CACNA1G: variants seen among roughly 807,000 people sequenced by gnomAD.
CACNA1G encodes voltage-dependent T-type calcium channel subunit alpha-1G.
In CACNA1G, 67 loss-of-function variants were observed where a neutral mutation model predicts 219.4. The observed-to-expected ratio is 0.31, with a 90% CI of 0.25 to 0.37. The LOEUF (loss-of-function observed/expected upper bound fraction) is 0.37. Ranked by LOEUF, CACNA1G falls within the 10% of genes least tolerant of loss-of-function variation. CACNA1G has a pLI of 1.00. For synonymous variants in CACNA1G, 1,296 were observed against 1,345.3 expected (o/e 0.96, Z 0.80); for missense variants, 2,380 against 3,231.4 (o/e 0.74, Z 6.39).
chr17:50,575,018 C>T (rs1458638076), intron 7 of CACNA1G, among the ~76,000 whole-genome samples: 2 of 152,132 alleles, frequency 1.3e-5, no homozygotes, highest in Admixed American at 6.5e-5. Flanking sequence ...AAGGGTCTCT[C>T]GCCCAAAGTC....
chr17:50,608,027 G>A lies in CACNA1G; in HGVS notation c.4705+8G>A. 1 of 1,598,052 alleles carries A rather than the reference G, an allele frequency of 6.3e-7. No homozygotes were observed. On this transcript the variant is annotated splice_region_variant and intron_variant, in intron 25 of 37. Transcript: ENST00000359106. ...TGGAGAAAAAGAGAAGGAGTAAGGA[G>A]AAGCAGATGGCTGGTCGGTAGTCTT...
Position 50,626,191 on chromosome 17 carries a change from A to G in CACNA1G, c.6574A>G (p.Thr2192Ala). The stretch of plus-strand genomic sequence containing the variant: ...CCACAGCAAGATCTCCAAGCACATG[A>G]CCCCGCCAGCCCCTTGCCCAGGCCC... The part of the protein sequence containing the change: ...RSHSKISKHM[T>A]PPAPCPGPEP... Residue 2192 changes from threonine to alanine, a missense_variant, in exon 38 of 38, where the codon ACC becomes GCC. This residue lies in a region of CACNA1G where 672 missense variants were observed against 670.5 expected (regional missense o/e 1.00). Coordinates refer to ENST00000359106, the MANE Select transcript of CACNA1G (RefSeq NM_018896.5). This position sits in a 1 kb window ranked among gnomAD's most constrained non-coding sequence, Gnocchi z 4.3. 6.2e-7 allele frequency: 1 copy of G among 1,613,430 alleles called. No homozygotes were observed. Among genetic ancestry groups the G allele is most frequent in the Non-Finnish European group, 8.5e-7 (1 of 1,179,772 alleles).
At chr17:50,594,584 C>G (rs747138701) in intron 13 of CACNA1G, among the ~76,000 whole-genome samples, 2 of 152,138 alleles carry the variant, frequency 1.3e-5, no homozygotes, top group Non-Finnish European at 2.9e-5. Context: ...GGGCAGTTTC[C>G]GCAACTTCTC....
In CACNA1G at chr17:50,617,569, G is replaced by A. The variant is rs1043276451; in HGVS notation, c.5153G>A (p.Arg1718Gln). The A allele has an allele frequency of 1.2e-6, 2 of 1,613,754 alleles. No individual in the cohort carries two copies. Among genetic ancestry groups the A allele is most frequent in the Admixed American group, 1.7e-5 (1 of 59,988 alleles). The change falls in exon 29 of 38, where the codon CGA becomes CAA. Residue 1718 changes from arginine (R) to glutamine (Q), a missense_variant and splice_region_variant. Arg to Gln is a conservative substitution (Grantham distance 43). Transcript: ENST00000359106. The surrounding 1 kb of genome is among the most constrained non-coding windows in gnomAD (Gnocchi z 5.8). ...ATCATGAGGGTGCTGCGCATTGCCC[G>A]AGGTTGGTGCCCAGCCCACGCACCT... Reference protein sequence around the residue: ...IRIMRVLRIARVLKLLKMAVG... With the variant: ...IRIMRVLRIAQVLKLLKMAVG...
intron 13 of CACNA1G, among the ~76,000 whole-genome samples, chr17:50,592,364 T>C (rs1019562040): frequency 6.6e-6 from 1 of 152,172 alleles, no homozygotes; most frequent in African/African-American, 2.4e-5. Context: ...GCTAGACCCC[T>C]TCCCCAGAGA....
intron 9 of CACNA1G, among the ~76,000 whole-genome samples, chr17:50,580,510 C>T (rs938553514): frequency 4.3e-4 from 65 of 152,316 alleles, no homozygotes; most frequent in African/African-American, 1.5e-3. Context: ...GAAGCTGAGT[C>T]ACACAGACCC....
In CACNA1G at chr17:50,608,122, G is replaced by A. The variant is rs190452292; in HGVS notation, c.4705+103G>A. 9.9e-3 allele frequency: 10,538 copies of A among 1,061,940 alleles called. 100 individuals are homozygous for A. The highest frequency in any genetic ancestry group is 0.011 in the Non-Finnish European group (8,275 of 730,378). 65.8% of individuals were successfully genotyped at this position (1,061,940 alleles called of 1,614,324 possible). On this transcript the variant is annotated intron_variant, in intron 25 of 37. Coordinates refer to ENST00000359106, the MANE Select transcript of CACNA1G (RefSeq NM_018896.5). Reference sequence around the variant, plus strand: ...AGGGGGCTGGGCGCTGGGGCCGGGGGCAGGGAGAAGAGGCTCCCACCCCCC... The same window carrying A: ...AGGGGGCTGGGCGCTGGGGCCGGGGACAGGGAGAAGAGGCTCCCACCCCCC...
intron 10 of CACNA1G, 66 bp downstream of exon 10, chr17:50,590,688 G>A: frequency 2.0e-6 from 3 of 1,500,384 alleles, no homozygotes; most frequent in Non-Finnish European, 2.7e-6. Context: ...TGGGGCCAGG[G>A]GCCATGCCAC....
At position 50,621,980 on chromosome 17, in the gene CACNA1G, C is replaced by G. The variant is rs1262909059; in HGVS notation, c.6060+186C>G. Among the ~76,000 whole-genome samples, 1 of 152,110 alleles carries G rather than the reference C, an allele frequency of 6.6e-6. No individual in the cohort carries two copies. Among genetic ancestry groups the G allele is most frequent in the Non-Finnish European group, 1.5e-5 (1 of 68,024 alleles). ...TTGCTGGCACAAGGTCTTCAGGTTCCCCACTGGGGACAAAGAGATTAGATA... is the reference window on the plus strand; with the variant it reads ...TTGCTGGCACAAGGTCTTCAGGTTCGCCACTGGGGACAAAGAGATTAGATA... On this transcript the variant is annotated intron_variant, in intron 35 of 37. Coordinates refer to ENST00000359106, the MANE Select transcript of CACNA1G (RefSeq NM_018896.5). This position sits in a 1 kb window ranked among gnomAD's most constrained non-coding sequence, Gnocchi z 4.6.
chr17:50,627,212 C>G lies in CACNA1G; in HGVS notation c.*461C>G, dbSNP rs1348195330. 5 of 454,360 alleles carry G rather than the reference C, an allele frequency of 1.1e-5. No individual in the cohort carries two copies. Among genetic ancestry groups the G allele is most frequent in the African/African-American group, 4.0e-5 (2 of 50,006 alleles). The allele number at this position is 454,360 out of a possible 1,614,324, so 28.1% of individuals were successfully genotyped here. On this transcript the variant is annotated 3_prime_UTR_variant, in exon 38 of 38. Transcript: ENST00000359106. ...TAACAGTCTAGTTATATTCCCTCTTCTTGCAAAGCACAAGCTGGGACCGCG... is the reference window on the plus strand; with the variant it reads ...TAACAGTCTAGTTATATTCCCTCTTGTTGCAAAGCACAAGCTGGGACCGCG...
intron 13 of CACNA1G, among the ~76,000 whole-genome samples, chr17:50,592,771 A>AC (rs1337087028): frequency 6.6e-6 from 1 of 151,666 alleles, no homozygotes; most frequent in African/African-American, 2.4e-5. Flanking sequence ...CCCCAGACCC[A>AC]CCCCAGCTTG....
At chr17:50,589,817 T>G (rs572560046) in intron 9 of CACNA1G, among the ~76,000 whole-genome samples, 4 of 152,280 alleles carry the variant, frequency 2.6e-5, no homozygotes, top group African/African-American at 9.6e-5. Context: ...TCTCCTCAAC[T>G]GTGACAACCC....
Position 50,561,172 on chromosome 17 carries a change from CGGAACAAAGTGAGG to C in CACNA1G, c.-285_-272del. 1 of 564,148 alleles carries C rather than the reference CGGAACAAAGTGAGG, an allele frequency of 1.8e-6. No homozygotes were observed. The highest frequency in any genetic ancestry group is 3.2e-6 in the Non-Finnish European group (1 of 307,782). 34.9% of individuals were successfully genotyped at this position (564,148 alleles called of 1,614,324 possible). A position where few individuals can be genotyped will look rare whatever the true frequency, so the allele number is the denominator to read the frequency against. On this transcript the variant is annotated 5_prime_UTR_variant, in exon 1 of 38. Transcript: ENST00000359106. ...GAGCCTGGGCGCGAAGCGAAGAAGCCGGAACAAAGTGAGGGGGAGCCGGCCGGCTGGCCCGGGAA... is the reference window on the plus strand; with the variant it reads ...GAGCCTGGGCGCGAAGCGAAGAAGCCGGGAGCCGGCCGGCTGGCCCGGGAA...
At chr17:50,586,588 C>G (rs922819691) in intron 9 of CACNA1G, among the ~76,000 whole-genome samples, 17 of 152,202 alleles carry the variant, frequency 1.1e-4, no homozygotes, top group African/African-American at 4.1e-4. Context: ...TGAGCTTGGC[C>G]CTGGGGCTGG....
intron 16 of CACNA1G, among the ~76,000 whole-genome samples, chr17:50,597,369 C>G (rs1473155564): frequency 6.6e-6 from 1 of 152,142 alleles, no homozygotes; most frequent in Admixed American, 6.5e-5. Flanking sequence ...CACAATGATC[C>G]CCATTTTACA....
At chr17:50,614,278 C>T (rs1040752822) in intron 26 of CACNA1G, among the ~76,000 whole-genome samples, 1 of 152,216 alleles carries the variant, frequency 6.6e-6, no homozygotes, top group African/African-American at 2.4e-5. Flanking sequence ...CCCCCTGGCT[C>T]AGGCCTCAGA....
At position 50,621,835 on chromosome 17, in the gene CACNA1G, G is replaced by C. The variant is rs1005305342; in HGVS notation, c.6060+41G>C. 74 of 1,607,980 alleles carry C rather than the reference G, an allele frequency of 4.6e-5. No individual in the cohort carries two copies. Among genetic ancestry groups the C allele is most frequent in the Non-Finnish European group, 6.1e-5 (72 of 1,178,462 alleles). On this transcript the variant is annotated intron_variant, in intron 35 of 37. Coordinates refer to ENST00000359106, the MANE Select transcript of CACNA1G (RefSeq NM_018896.5). The surrounding 1 kb of genome is among the most constrained non-coding windows in gnomAD (Gnocchi z 4.6). The stretch of plus-strand genomic sequence containing the variant: ...CCTCACTGCTCCCGGCCACCCCCGG[G>C]GCTGGACTGGCTGCAGGGCTCCAGA...
At chr17:50,594,347 A>G (rs2045038063) in intron 13 of CACNA1G, among the ~76,000 whole-genome samples, 1 of 152,190 alleles carries the variant, frequency 6.6e-6, no homozygotes, top group African/African-American at 2.4e-5. Flanking sequence ...TCCCATCTCA[A>G]ACGGAGCAGC....
intron 1 of CACNA1G, chr17:50,563,119 C>G (rs908886450): frequency 6.6e-6 from 1 of 152,488 alleles, no homozygotes; most frequent in Non-Finnish European, 1.5e-5. Context: ...TGGTGCCGCC[C>G]TCACTCTCTG....
Sources: gnomAD v4.1 joint callset for allele counts (sites outside exome capture counted in the v4.1 genomes callset) on GRCh38, gnomAD v4.1.1 for gene constraint, gnomAD v4.1.1 regional missense constraint, Gnocchi (gnomAD v3.1) non-coding constraint, MANE v1.5 for transcripts, NCBI Gene and HGNC (gene_info 2026-07-23, HGNC 2026-07-21) for gene names.